GABRB2: variants seen among roughly 807,000 people sequenced by gnomAD.
GABRB2 encodes gamma-aminobutyric acid receptor subunit beta-2.
A neutral mutation model predicts 54.7 loss-of-function variants in GABRB2; 16 were observed. The observed-to-expected ratio is 0.29, with a 90% confidence interval of 0.20 to 0.44. The LOEUF (loss-of-function observed/expected upper bound fraction) is 0.44, where lower values mean the gene tolerates loss of function less well. Among genes scored for constraint, GABRB2 ranks in the 20% least tolerant of loss-of-function variants. The pLI is 1.00. For missense variants in GABRB2, 355 were observed against 644.0 expected (o/e 0.55, Z 4.86); for synonymous variants, 244 against 233.8 (o/e 1.04, Z -0.40).
intron 3 of GABRB2, among the ~76,000 whole-genome samples, chr5:161,487,779 C>T (rs901411068): frequency 2.0e-5 from 3 of 151,828 alleles, no homozygotes; most frequent in Non-Finnish European, 2.9e-5. Flanking sequence ...ATAGTAAACA[C>T]TGGATAAATG....
intron 3 of GABRB2, among the ~76,000 whole-genome samples, chr5:161,532,589 T>C (rs751717434): frequency 6.6e-6 from 1 of 152,118 alleles, no homozygotes; most frequent in Non-Finnish European, 1.5e-5. Context: ...TTTTGAGTCC[T>C]CTACCTGAGG....
At chr5:161,327,174 C>T (rs2113390863) in intron 8 of GABRB2, among the ~76,000 whole-genome samples, 1 of 152,120 alleles carries the variant, frequency 6.6e-6, no homozygotes, top group African/African-American at 2.4e-5. Context: ...AAAAAATATT[C>T]AGTAGACCTC....
intron 5 of GABRB2, among the ~76,000 whole-genome samples, chr5:161,371,806 C>T (rs983291684): frequency 3.3e-5 from 5 of 152,046 alleles, no homozygotes; most frequent in Admixed American, 1.3e-4. Context: ...ACTGCAGCCA[C>T]GACCTCCCAA....
intron 3 of GABRB2, among the ~76,000 whole-genome samples, chr5:161,473,447 G>T (rs1758503008): frequency 6.6e-6 from 1 of 151,854 alleles, no homozygotes; most frequent in African/African-American, 2.4e-5. Flanking sequence ...CCTCGAGGAG[G>T]AAAAAAATAC....
chr5:161,510,664 C>T (rs1759739234), intron 3 of GABRB2, among the ~76,000 whole-genome samples: 1 of 151,842 alleles, frequency 6.6e-6, no homozygotes, highest in South Asian at 2.1e-4. Context: ...GATGGAGTCT[C>T]ATTTCTTGTC....
chr5:161,436,248 G>A (rs965027560), intron 4 of GABRB2, among the ~76,000 whole-genome samples: 17 of 152,194 alleles, frequency 1.1e-4, no homozygotes, highest in African/African-American at 4.1e-4. Context: ...ACAAATGATT[G>A]GAAGCTGAGC....
intron 4 of GABRB2, among the ~76,000 whole-genome samples, chr5:161,452,741 C>T (rs996305229): frequency 1.3e-5 from 2 of 151,950 alleles, no homozygotes; most frequent in African/African-American, 4.8e-5. Flanking sequence ...GACCTGTAAT[C>T]CTAGCACTTT....
At chr5:161,422,081 T>C (rs2113147986) in intron 4 of GABRB2, among the ~76,000 whole-genome samples, 1 of 152,182 alleles carries the variant, frequency 6.6e-6, no homozygotes, top group Admixed American at 6.5e-5. Flanking sequence ...GGACTGTAAA[T>C]TGGCACAAAC....
chr5:161,362,048 C>T (rs1033265686), intron 5 of GABRB2, among the ~76,000 whole-genome samples: 3 of 152,126 alleles, frequency 2.0e-5, no homozygotes, highest in Non-Finnish European at 4.4e-5. Context: ...TTCCCTGTTG[C>T]TTGTTTTTGT....
intron 3 of GABRB2, among the ~76,000 whole-genome samples, chr5:161,474,058 A>G (rs1758523328): frequency 6.6e-6 from 1 of 151,984 alleles, no homozygotes; most frequent in South Asian, 2.1e-4. Flanking sequence ...ATGCAAAGCT[A>G]TGAAGAAAGT....
chr5:161,475,834 T>C (rs1171352655), intron 3 of GABRB2, among the ~76,000 whole-genome samples: 2 of 151,930 alleles, frequency 1.3e-5, no homozygotes, highest in African/African-American at 2.4e-5. Context: ...AAAATGTCCA[T>C]AGCTAATATC....
At chr5:161,454,338 C>G (rs981476117) in intron 4 of GABRB2, among the ~76,000 whole-genome samples, 7 of 152,142 alleles carry the variant, frequency 4.6e-5, no homozygotes, top group African/African-American at 1.4e-4. Context: ...CTGCAGATAC[C>G]TGGTTCCTCT....
chr5:161,508,085 T>C (rs1561676045), intron 3 of GABRB2, among the ~76,000 whole-genome samples: 1 of 151,858 alleles, frequency 6.6e-6, no homozygotes, highest in Non-Finnish European at 1.5e-5. Flanking sequence ...TAAATACTGT[T>C]TTAAGTACTA....
chr5:161,338,331 T>C (rs1754051844), intron 5 of GABRB2, among the ~76,000 whole-genome samples: 2 of 152,206 alleles, frequency 1.3e-5, no homozygotes, highest in South Asian at 4.1e-4. Context: ...ATATAGTTAA[T>C]GATTTTTAAA....
chr5:161,302,504 C>G (rs1177500230), intron 9 of GABRB2, among the ~76,000 whole-genome samples: 1 of 152,146 alleles, frequency 6.6e-6, no homozygotes, highest in Admixed American at 6.5e-5. Flanking sequence ...AATAACCTAA[C>G]AACATCACAG....
intron 3 of GABRB2, 73 bp downstream of exon 3, chr5:161,545,154 T>G: frequency 2.4e-4 from 184 of 781,984 alleles, no homozygotes; most frequent in East Asian, 9.0e-4. Flanking sequence ...CCACCCCCAA[T>G]AGCTGGCTCA....
intron 8 of GABRB2, among the ~76,000 whole-genome samples, chr5:161,329,041 T>A (rs1158982166): frequency 6.6e-6 from 1 of 152,166 alleles, no homozygotes; most frequent in Non-Finnish European, 1.5e-5. Flanking sequence ...TATTTCCGTT[T>A]TAGAACTATC....
intron 3 of GABRB2, among the ~76,000 whole-genome samples, chr5:161,503,165 A>G (rs1264378985): frequency 2.0e-5 from 3 of 152,014 alleles, no homozygotes; most frequent in Non-Finnish European, 4.4e-5. Flanking sequence ...GTATTCTTAG[A>G]TAAAGACTTT....
intron 3 of GABRB2, among the ~76,000 whole-genome samples, chr5:161,519,201 CA>C (rs1438405683): frequency 6.6e-6 from 1 of 152,150 alleles, no homozygotes; most frequent in African/African-American, 2.4e-5. Context: ...CTGTAAGCCA[CA>C]ACTGAACTGA....
Sources: allele counts gnomAD v4.1 joint callset (sites outside exome capture counted in the v4.1 genomes callset), GRCh38; gene constraint gnomAD v4.1.1; transcripts MANE v1.5; gene names NCBI Gene and HGNC (gene_info 2026-07-23, HGNC 2026-07-21).